LPAR6: variants seen among roughly 807,000 people sequenced by gnomAD.
LPAR6 encodes the protein lysophosphatidic acid receptor 6, also known as G-protein coupled purinergic receptor P2Y5.
LPAR6 carries 17 observed loss-of-function variants against 22.0 expected under a neutral mutation model. The observed-to-expected ratio is 0.77, with a 90% confidence interval of 0.53 to 1.16. The LOEUF is 1.16. Among genes scored for constraint, LPAR6 ranks in the 50% most tolerant of loss-of-function variants. The pLI, the probability that LPAR6 is intolerant of heterozygous loss-of-function variation, is 0.00. For synonymous variants in LPAR6, 136 were observed against 139.8 expected, an observed-to-expected ratio of 0.97 and a Z score of 0.19; for missense variants, 384 against 406.9, an observed-to-expected ratio of 0.94 and a Z score of 0.48.
rs1001659555 is a variant in LPAR6 at position 48,441,458 on chromosome 13, G to C, written c.-1474+3095C>G. Among the ~76,000 whole-genome samples the C allele has an allele frequency of 7.2e-5, 11 of 152,118 alleles. No homozygotes were observed. In the East Asian group the frequency reaches 2.1e-3, roughly 29 times the overall value. ...ATGTGCATATCAACAAAAATCACTTGGTAGGAACCCAATACTAGCTAATAA... is the reference window on the plus strand; with the variant it reads ...ATGTGCATATCAACAAAAATCACTTCGTAGGAACCCAATACTAGCTAATAA... On this transcript the variant is annotated intron_variant, in intron 1 of 6. Transcript: ENST00000378434.
At position 48,390,349 on chromosome 13, in the gene LPAR6, A is replaced by C. The variant is rs571628128; in HGVS notation, n.115-537T>G. ...TTGTTTCACCTTAGAATTTCTGGAG[A>C]CAGAACATTTCTGGGTAGTTTACTG... is the stretch of plus-strand genomic sequence containing the variant. On this transcript the variant is annotated intron_variant and non_coding_transcript_variant, in intron 1 of 1. Coordinates refer to the LPAR6 transcript ENST00000462781. Among the ~76,000 whole-genome samples the C allele has an allele frequency of 2.6e-4, 40 of 152,278 alleles. 1 individual carries two copies. The South Asian group carries it at 8.1e-3, about 31-fold the overall frequency.
intron 2 of LPAR6, among the ~76,000 whole-genome samples, chr13:48,422,231 G>A (rs1019786612): frequency 6.6e-6 from 1 of 152,114 alleles, no homozygotes; most frequent in Non-Finnish European, 1.5e-5. Flanking sequence ...CATGGATGAA[G>A]CTGGAAACCA....
In LPAR6 at chr13:48,411,885, T is replaced by C; in HGVS notation, c.539A>G (p.Tyr180Cys). Residue 180 changes from tyrosine (Y) to cysteine (C), a missense_variant, in exon 1 of 1, where the codon TAT becomes TGT. Transcript: ENST00000620633. Reference protein sequence around the residue: ...ENFPEATWKTYLSRIVIFIEI... With the variant: ...ENFPEATWKTCLSRIVIFIEI... ...GATGAAAATTACAATCCTTGAGAGA[T>C]ATGTTTTCCATGTGGCTTCTGGAAA... is the stretch of plus-strand genomic sequence containing the variant. The C allele has an allele frequency of 6.2e-7, 1 of 1,613,840 alleles. No homozygotes were observed. Among genetic ancestry groups the C allele is most frequent in the Middle Eastern group, 1.6e-4 (1 of 6,062 alleles).
chr13:48,440,665 A>G (rs1218981070), intron 1 of LPAR6, among the ~76,000 whole-genome samples: 1 of 152,216 alleles, frequency 6.6e-6, no homozygotes, highest in East Asian at 1.9e-4. Context: ...GTTTTAACCA[A>G]GAAGAACTTA....
chr13:48,431,640 C>G (rs901310681), upstream of LPAR6, among the ~76,000 whole-genome samples: 1 of 152,058 alleles, frequency 6.6e-6, no homozygotes, highest in Non-Finnish European at 1.5e-5. Context: ...GGTTTCCTGT[C>G]TATACTAGAA....
At chr13:48,430,497 T>C (rs1403096630), upstream of LPAR6, among the ~76,000 whole-genome samples, 3 of 151,864 alleles carry the variant, frequency 2.0e-5, no homozygotes, top group Admixed American at 2.0e-4. Context: ...TCCCAGCACT[T>C]TGGGAGGCGA....
intron 2 of LPAR6, among the ~76,000 whole-genome samples, chr13:48,420,059 A>G (rs1233723832): frequency 2.0e-5 from 3 of 152,238 alleles, no homozygotes; most frequent in African/African-American, 7.2e-5. Flanking sequence ...TCATCCTGAT[A>G]CCATAACCTG....
intron 1 of LPAR6, among the ~76,000 whole-genome samples, chr13:48,402,659 G>C (rs1593470612): frequency 6.6e-6 from 1 of 152,036 alleles, no homozygotes; most frequent in African/African-American, 2.4e-5. Flanking sequence ...TTAGTCATGA[G>C]CTGCCACTCT....
intron 1 of LPAR6, among the ~76,000 whole-genome samples, chr13:48,439,225 T>C (rs1488555663): frequency 6.6e-6 from 1 of 152,210 alleles, no homozygotes; most frequent in Non-Finnish European, 1.5e-5. Flanking sequence ...AAAATACACA[T>C]ATCTACTTTA....
upstream of LPAR6, chr13:48,417,410 A>G (rs1385615057): frequency 6.6e-6 from 1 of 152,182 alleles, no homozygotes; most frequent in Non-Finnish European, 1.5e-5. Flanking sequence ...CCACACAGAA[A>G]CCCCATTTGA....
rs1406427016 is a variant in LPAR6 at position 48,412,959 on chromosome 13, A to C, written c.-536T>G. 1 of 169,398 alleles carries C rather than the reference A, an allele frequency of 5.9e-6. No homozygotes were observed. The highest frequency in any genetic ancestry group is 1.9e-4 in the East Asian group (1 of 5,258). 10.5% of individuals were successfully genotyped at this position (169,398 alleles called of 1,614,324 possible). A position where few individuals can be genotyped will look rare whatever the true frequency, so the allele number is the denominator to read the frequency against. On this transcript the variant is annotated 5_prime_UTR_variant, in exon 1 of 1. Coordinates refer to ENST00000620633, the MANE Select transcript of LPAR6 (RefSeq NM_001162498.3). ...TTTACTTCTTGCTTCTTTTAAATGA[A>C]GTTTTCCTTTTTTGTTTTCCTGCAG...
At chr13:48,410,749 A>G (rs1438893343), downstream of LPAR6, among the ~76,000 whole-genome samples, 1 of 152,158 alleles carries the variant, frequency 6.6e-6, no homozygotes, top group Non-Finnish European at 1.5e-5. Context: ...TTCAAAGCAT[A>G]CCATATAGAT....
chr13:48,419,075 C>T (rs1241207009), intron 2 of LPAR6, among the ~76,000 whole-genome samples: 1 of 152,190 alleles, frequency 6.6e-6, no homozygotes, highest in Non-Finnish European at 1.5e-5. Flanking sequence ...CCCAAATCAA[C>T]AGAATAGACA....
chr13:48,430,779 A>G (rs1043146970), upstream of LPAR6, among the ~76,000 whole-genome samples: 3 of 150,226 alleles, frequency 2.0e-5, no homozygotes, highest in African/African-American at 4.9e-5. Context: ...AAAAAAAAAC[A>G]GTAGAGGCCT....
At position 48,402,379 on chromosome 13, in the gene LPAR6, C is replaced by CTTTTCTTTTT. The variant is rs1555288403; in HGVS notation, n.115-12568_115-12567insAAAAAGAAAA. On this transcript the variant is annotated intron_variant and non_coding_transcript_variant, in intron 1 of 1. Coordinates refer to the LPAR6 transcript ENST00000462781. Reference sequence around the variant, plus strand: ...GGTAAAGAAATCCCTTGTAGAAAACCTTTTTTTTTTTTTAAACAGATGAGT... The same window carrying CTTTTCTTTTT: ...GGTAAAGAAATCCCTTGTAGAAAACCTTTTCTTTTTTTTTTTTTTTTTTAAACAGATGAGT... Among the ~76,000 whole-genome samples the CTTTTCTTTTT allele has an allele frequency of 3.2e-3, 399 of 125,742 alleles. 12 individuals are homozygous for CTTTTCTTTTT. Among genetic ancestry groups the CTTTTCTTTTT allele is most frequent in the Non-Finnish European group, 5.3e-3 (323 of 61,282 alleles). The allele number at this position is 125,742 out of a possible 152,430, so 82.5% of individuals were successfully genotyped here.
In LPAR6 at chr13:48,411,795, G is replaced by A. The variant is rs1566211795; in HGVS notation, c.629C>T (p.Thr210Ile). ...ACTTAATGTAACAGGTTTGGTTAAA[G>A]TTTTTAGCACCATACTAGAACAAGT... ...NVTCSSMVLK[T>I]LTKPVTLSRS... is the part of the protein sequence containing the mutation. The change falls in exon 1 of 1, where the codon ACT (threonine) becomes ATT (isoleucine). Residue 210 changes from threonine to isoleucine, a missense_variant. Physicochemically the swap from Thr to Ile is moderately conservative, Grantham distance 89 (BLOSUM62 -1). Coordinates refer to ENST00000620633, the MANE Select transcript of LPAR6 (RefSeq NM_001162498.3). 1 of 1,612,786 alleles carries A rather than the reference G, an allele frequency of 6.2e-7. No individual in the cohort carries two copies. Among genetic ancestry groups the A allele is most frequent in the Non-Finnish European group, 8.5e-7 (1 of 1,178,948 alleles).
intron 1 of LPAR6, among the ~76,000 whole-genome samples, chr13:48,441,893 T>C (rs1949240640): frequency 6.6e-6 from 1 of 152,198 alleles, no homozygotes; most frequent in Non-Finnish European, 1.5e-5. Flanking sequence ...ATAGGACCTA[T>C]TTATTCACTT....
downstream of LPAR6, among the ~76,000 whole-genome samples, chr13:48,410,742 A>G (rs951950048): frequency 1.2e-4 from 19 of 152,166 alleles, no homozygotes; most frequent in African/African-American, 4.6e-4. Flanking sequence ...TAGTAACTTC[A>G]AAGCATACCA....
chr13:48,390,075 A>AT lies in LPAR6; in HGVS notation n.115-264dup, dbSNP rs1948599775. Among the ~76,000 whole-genome samples the AT allele has an allele frequency of 5.3e-5, 8 of 152,186 alleles. No homozygotes were observed. In the South Asian group the frequency reaches 1.2e-3, roughly 24 times the overall value. ...ACTGGGAGAATTGCCTGAGCCTGGG[A>AT]TGTTAAGGCTGCAGTGAGCTGTGAT... On this transcript the variant is annotated intron_variant and non_coding_transcript_variant, in intron 1 of 1. Coordinates refer to the LPAR6 transcript ENST00000462781.
Sources: gnomAD v4.1 joint callset for allele counts (sites outside exome capture counted in the v4.1 genomes callset) on GRCh38, gnomAD v4.1.1 for gene constraint, MANE v1.5 for transcripts, NCBI Gene and HGNC (gene_info 2026-07-23, HGNC 2026-07-21) for gene names.